The following PLXNA2 variants were observed in gnomAD, a reference collection of about 807,000 sequenced individuals.
PLXNA2 encodes the protein plexin A2.
PLXNA2 carries 91 observed loss-of-function variants against 193.5 expected under a neutral mutation model. That is an observed-to-expected ratio of 0.47 (90% confidence interval 0.40 to 0.56). The LOEUF is 0.56. Among genes scored for constraint, PLXNA2 ranks in the 20% least tolerant of loss-of-function variants. The probability of loss-of-function intolerance (pLI) is 0.00; values close to 1 mark genes in which losing one functional copy is unlikely to be tolerated. For missense variants in PLXNA2, 1,995 were observed against 2,503.2 expected, an observed-to-expected ratio of 0.80 and a Z score of 4.33; for synonymous variants, 997 against 1,027.3, an observed-to-expected ratio of 0.97 and a Z score of 0.56.
chr1:208,059,964 T>C (rs1036343943), intron 13 of PLXNA2, among the ~76,000 whole-genome samples: 21 of 152,162 alleles, frequency 1.4e-4, no homozygotes, highest in Non-Finnish European at 3.1e-4. Context: ...CAGTACCCCC[T>C]GCAGAGCTGT....
At chr1:208,104,182 G>A (rs1289321813) in intron 4 of PLXNA2, among the ~76,000 whole-genome samples, 1 of 152,200 alleles carries the variant, frequency 6.6e-6, no homozygotes, top group Non-Finnish European at 1.5e-5. Flanking sequence ...TACCAGATGT[G>A]TAAAAAGTAA....
chr1:208,231,296 G>A (rs1464556892), intron 1 of PLXNA2, among the ~76,000 whole-genome samples: 2 of 152,110 alleles, frequency 1.3e-5, no homozygotes, highest in Non-Finnish European at 2.9e-5. Context: ...TGAATGGGGT[G>A]TGAGAGAGAA....
chr1:208,201,862 A>G (rs376654164), intron 3 of PLXNA2, among the ~76,000 whole-genome samples: 1 of 152,004 alleles, frequency 6.6e-6, no homozygotes, highest in Non-Finnish European at 1.5e-5. Flanking sequence ...TTATTTCTTT[A>G]TGATCTATTT....
At chr1:208,139,163 C>A (rs181913850) in intron 4 of PLXNA2, among the ~76,000 whole-genome samples, 1 of 152,330 alleles carries the variant, frequency 6.6e-6, no homozygotes, top group Non-Finnish European at 1.5e-5. Flanking sequence ...AGAGCAGAGT[C>A]CCAATCCTAG....
chr1:208,212,649 G>C (rs985583974), intron 2 of PLXNA2, among the ~76,000 whole-genome samples: 4 of 152,154 alleles, frequency 2.6e-5, no homozygotes, highest in African/African-American at 7.2e-5. Context: ...CTACAAACCA[G>C]AGCACTCCTC....
chr1:208,179,717 G>A (rs1233656967), intron 3 of PLXNA2, among the ~76,000 whole-genome samples: 2 of 152,132 alleles, frequency 1.3e-5, no homozygotes, highest in Non-Finnish European at 2.9e-5. Context: ...TAGGGTAGGA[G>A]GCTTCAGCAA....
chr1:208,173,488 G>C (rs561448475), intron 3 of PLXNA2, among the ~76,000 whole-genome samples: 2 of 152,148 alleles, frequency 1.3e-5, no homozygotes, highest in Admixed American at 6.5e-5. Context: ...TGAGAAAATC[G>C]GAGCTCAGAG....
At chr1:208,214,523 A>G (rs1343498338) in intron 2 of PLXNA2, among the ~76,000 whole-genome samples, 1 of 152,214 alleles carries the variant, frequency 6.6e-6, no homozygotes, top group Non-Finnish European at 1.5e-5. Context: ...TAGCCTTGGA[A>G]TGATGTTTTC....
intron 1 of PLXNA2, among the ~76,000 whole-genome samples, chr1:208,218,396 G>A (rs79282075): frequency 0.063 from 9,577 of 152,206 alleles, 412 homozygotes; most frequent in East Asian, 0.15. Flanking sequence ...CCCAGTGGAA[G>A]TCGCTCCTGT....
chr1:208,027,948 C>G (rs1403114726), intron 31 of PLXNA2, 61 bp downstream of exon 31: 7 of 1,455,000 alleles, frequency 4.8e-6, no homozygotes, highest in Non-Finnish European at 5.5e-6. Flanking sequence ...TATTTAAGGA[C>G]TGAGTCAGGC....
intron 3 of PLXNA2, among the ~76,000 whole-genome samples, chr1:208,201,458 C>G (rs972054508): frequency 6.6e-6 from 1 of 152,166 alleles, no homozygotes; most frequent in Non-Finnish European, 1.5e-5. Flanking sequence ...TTCGGCTCAG[C>G]TGGTCCCGTC....
At position 208,022,253 on chromosome 1, in the gene PLXNA2, A is replaced by G. The variant is rs1275815220; in HGVS notation, c.*4990T>C. ...GCTGAACAATCGGGTTTATTTAAAGATTTAAGGTTTTTTTAATTCAGTAAA... is the reference window on the plus strand; with the variant it reads ...GCTGAACAATCGGGTTTATTTAAAGGTTTAAGGTTTTTTTAATTCAGTAAA... On this transcript the variant is annotated 3_prime_UTR_variant, in exon 32 of 32. Transcript: ENST00000367033. The G allele has an allele frequency of 6.6e-6, 1 of 152,506 alleles. No homozygotes were observed. The highest frequency in any genetic ancestry group is 1.5e-5 in the Non-Finnish European group (1 of 68,024). The allele number at this position is 152,506 out of a possible 1,614,324, so 9.4% of individuals were successfully genotyped here. A position where few individuals can be genotyped will look rare whatever the true frequency, so the allele number is the denominator to read the frequency against.
chr1:208,066,445 C>T (rs904941364), intron 12 of PLXNA2, among the ~76,000 whole-genome samples: 7 of 152,260 alleles, frequency 4.6e-5, no homozygotes, highest in Middle Eastern at 6.8e-3. Flanking sequence ...TGGTCAATGA[C>T]GGACCATATA....
In PLXNA2 at chr1:208,210,194, A is replaced by C. The variant is rs114080113; in HGVS notation, c.1371+86T>G. 20,579 of 1,444,692 alleles carry C rather than the reference A, an allele frequency of 0.014. 191 individuals carry two copies. The highest frequency in any genetic ancestry group is 0.017 in the Non-Finnish European group (17,877 of 1,030,730). The allele number at this position is 1,444,692 out of a possible 1,614,324, so 89.5% of individuals were successfully genotyped here. On this transcript the variant is annotated intron_variant, in intron 3 of 31. Coordinates refer to ENST00000367033, the MANE Select transcript of PLXNA2 (RefSeq NM_025179.4). ...AAGAAAATAAAGTTGCCTATAGTTA[A>C]ATCTCCACCAATAGCTACCTTCCAA...
chr1:208,244,316 CGGCGGCGGCGGCGGCGGCGGA>C lies in PLXNA2; in HGVS notation c.-775_-755del. 1 of 201,854 alleles carries C rather than the reference CGGCGGCGGCGGCGGCGGCGGA, an allele frequency of 5.0e-6. No homozygotes were observed. The highest frequency in any genetic ancestry group is 8.0e-5 in the South Asian group (1 of 12,570). The allele number at this position is 201,854 out of a possible 1,614,324, so 12.5% of individuals were successfully genotyped here. A position where few individuals can be genotyped will look rare whatever the true frequency, so the allele number is the denominator to read the frequency against. On this transcript the variant is annotated 5_prime_UTR_variant, in exon 1 of 32. Coordinates refer to ENST00000367033, the MANE Select transcript of PLXNA2 (RefSeq NM_025179.4). ...CTGGCTCCCGCGGTGGCGGCGGCGG[CGGCGGCGGCGGCGGCGGCGGA>C]GGAGCCCTGAGCGCCGGCCTCCCTA...
chr1:208,159,151 CCCCTT>C (rs895851385), intron 3 of PLXNA2, among the ~76,000 whole-genome samples: 1 of 152,176 alleles, frequency 6.6e-6, no homozygotes, highest in African/African-American at 2.4e-5. Context: ...AATGGGGAAA[CCCCTT>C]CCCTAGAGGC....
At chr1:208,105,976 G>T (rs1008899594) in intron 4 of PLXNA2, among the ~76,000 whole-genome samples, 2 of 152,096 alleles carry the variant, frequency 1.3e-5, no homozygotes, top group African/African-American at 4.8e-5. Flanking sequence ...CCACTTTCAC[G>T]CCAAGTGCCA....
chr1:208,040,006 G>A lies in PLXNA2; in HGVS notation c.4339C>T (p.His1447Tyr). The part of the protein sequence containing the change: ...MLTNWFAFLL[H>Y]KFLKECAGEP... ...CCCTTTCTCACCTTTAGGAACTTGT[G>A]CAGGAGGAAGGCGAACCAATTGGTC... The change falls in exon 23 of 32, where the codon CAC becomes TAC. Residue 1447 changes from histidine to tyrosine, a missense_variant. Coordinates refer to ENST00000367033, the MANE Select transcript of PLXNA2 (RefSeq NM_025179.4). 6.2e-7 allele frequency: 1 copy of A among 1,614,074 alleles called. No homozygotes were observed. The highest frequency in any genetic ancestry group is 1.1e-5 in the South Asian group (1 of 91,086).
At position 208,033,471 on chromosome 1, in the gene PLXNA2, G is replaced by A. The variant is rs201528756; in HGVS notation, c.4903C>T (p.Arg1635Trp). 6.8e-6 allele frequency: 11 copies of A among 1,612,662 alleles called. No individual in the cohort carries two copies. The highest frequency in any genetic ancestry group is 2.2e-5 in the East Asian group (1 of 44,836). Reference protein sequence around the residue: ...FRYTGSPDSLRSRAPMITPDL... With the variant: ...FRYTGSPDSLWSRAPMITPDL... ...GGGGTGATCATCGGGGCCCGGGACCGCAGGCTGTCGGGGCTGCCCGTATAC... is the reference window on the plus strand; with the variant it reads ...GGGGTGATCATCGGGGCCCGGGACCACAGGCTGTCGGGGCTGCCCGTATAC... The change falls in exon 28 of 32, where the codon CGG becomes TGG. Residue 1635 changes from arginine to tryptophan, a missense_variant. Physicochemically the swap from Arg to Trp is moderately radical, Grantham distance 101. Transcript: ENST00000367033.
Sources: allele counts gnomAD v4.1 joint callset (sites outside exome capture counted in the v4.1 genomes callset), GRCh38; gene constraint gnomAD v4.1.1; transcripts MANE v1.5; gene names NCBI Gene and HGNC (gene_info 2026-07-23, HGNC 2026-07-21).